The following OR8D4 variants were observed in gnomAD, a reference collection of about 807,000 sequenced individuals.
OR8D4 encodes olfactory receptor family 8 subfamily D member 4, also known as olfactory receptor 8D4.
For synonymous variants in OR8D4, 141 were observed against 134.8 expected (o/e 1.05, Z -0.32); for missense variants, 359 against 372.6 (o/e 0.96, Z 0.30).
chr11:123,905,905 C>T (rs1021129182), intron 1 of OR8D4, among the ~76,000 whole-genome samples: 1 of 152,296 alleles, frequency 6.6e-6, no homozygotes, highest in Non-Finnish European at 1.5e-5. Flanking sequence ...TAGCTCCCTG[C>T]AACCTTGGTG....
rs753737058 is a variant in OR8D4, at chr11:123,906,827, C to T, written c.396C>T (p.Tyr132=). The T allele has an allele frequency of 3.7e-6, 6 of 1,613,904 alleles. No individual in the cohort carries two copies. The highest frequency in any genetic ancestry group is 2.2e-5 in the East Asian group (1 of 44,878). ...RYVAICSPLL[Y]RVIMSPRVCS... Reference sequence around the variant, plus strand: ...TGGCCATCTGCAGCCCACTGCTCTACAGGGTCATCATGTCCCCTAGGGTCT... The same window carrying T: ...TGGCCATCTGCAGCCCACTGCTCTATAGGGTCATCATGTCCCCTAGGGTCT... The change falls in exon 2 of 2, where the codon TAC becomes TAT. Residue 132 remains tyrosine, a synonymous_variant. Coordinates refer to ENST00000641687, the MANE Select transcript of OR8D4 (RefSeq NM_001005197.2).
chr11:123,904,511 T>A (rs1863184729), intron 1 of OR8D4, among the ~76,000 whole-genome samples: 1 of 152,154 alleles, frequency 6.6e-6, no homozygotes, highest in Non-Finnish European at 1.5e-5. Context: ...ACTACACACA[T>A]GAATGCTAAC....
Position 123,906,508 on chromosome 11 carries a change from C to A in OR8D4, c.77C>A (p.Pro26His), listed in dbSNP as rs765841576. Reference protein sequence around the residue: ...GLTEQAELQLPLFCLFLGIYT... With the variant: ...GLTEQAELQLHLFCLFLGIYT... The stretch of plus-strand genomic sequence containing the variant: ...ACTGAACAAGCAGAGCTTCAGCTGC[C>A]CCTCTTCTGCCTCTTCTTAGGAATT... Residue 26 changes from proline (P) to histidine (H), a missense_variant, in exon 2 of 2, where the codon CCC (proline) becomes CAC (histidine). Transcript: ENST00000641687. The A allele has an allele frequency of 6.2e-7, 1 of 1,613,850 alleles. No homozygotes were observed. Among genetic ancestry groups the A allele is most frequent in the Non-Finnish European group, 8.5e-7 (1 of 1,179,836 alleles).
intron 1 of OR8D4, among the ~76,000 whole-genome samples, chr11:123,904,783 A>G (rs973538909): frequency 1.2e-4 from 19 of 152,186 alleles, no homozygotes; most frequent in African/African-American, 4.6e-4. Context: ...CAAGCTGCCT[A>G]CGGAAGTTTG....
chr11:123,906,064 T>C (rs1460376723), intron 1 of OR8D4: 1 of 189,446 alleles, frequency 5.3e-6, no homozygotes, highest in Non-Finnish European at 1.1e-5. Context: ...CTCTAATTAG[T>C]CTGTCTTCCT....
chr11:123,906,319 C>A, intron 1 of OR8D4, 98 bp from the exon 2 acceptor site: 2 of 753,446 alleles, frequency 2.7e-6, no homozygotes, highest in Non-Finnish European at 4.2e-6. Flanking sequence ...GTTTTCGTAA[C>A]ACAAAGTCAG....
chr11:123,903,994 A>C (rs2137491258), intron 1 of OR8D4, among the ~76,000 whole-genome samples: 1 of 152,310 alleles, frequency 6.6e-6, no homozygotes, highest in East Asian at 1.9e-4. Context: ...AAGATCGATG[A>C]CTTCAGCTCT....
Position 123,906,913 on chromosome 11 carries a change from G to A in OR8D4, c.482G>A (p.Gly161Asp). 2 of 1,613,972 alleles carry A rather than the reference G, an allele frequency of 1.2e-6. No individual in the cohort carries two copies. The highest frequency in any genetic ancestry group is 1.7e-6 in the Non-Finnish European group (2 of 1,179,924). ...TTCACTGATGCTGTGATCCATGGAG[G>A]TTGTATACTCAGGTTGTCTTTCTGT... The part of the protein sequence containing the change: ...VGFTDAVIHG[G>D]CILRLSFCGS... The change falls in exon 2 of 2, where the codon GGT (glycine) becomes GAT (aspartate). Residue 161 changes from glycine to aspartate, a missense_variant. Physicochemically the swap from Gly to Asp is moderately conservative, Grantham distance 94. Transcript: ENST00000641687.
chr11:123,908,023 A>T lies in OR8D4; in HGVS notation c.*647A>T, dbSNP rs1478624993. 2 of 152,140 alleles carry T rather than the reference A, an allele frequency of 1.3e-5. No individual in the cohort carries two copies. The highest frequency in any genetic ancestry group is 2.9e-5 in the Non-Finnish European group (2 of 68,016). 9.4% of individuals were successfully genotyped at this position (152,140 alleles called of 1,614,324 possible). On this transcript the variant is annotated 3_prime_UTR_variant, in exon 2 of 2. Transcript: ENST00000641687. ...AGAAAACCACACCTAATTTCAAAAA[A>T]AATTGAGCAGCGTGATGGAAATTAT...
Position 123,908,362 on chromosome 11 carries a change from T to G in OR8D4, c.*986T>G, listed in dbSNP as rs1286587625. 6.6e-6 allele frequency: 1 copy of G among 152,250 alleles called. No individual in the cohort carries two copies. Among genetic ancestry groups the G allele is most frequent in the Non-Finnish European group, 1.5e-5 (1 of 68,048 alleles). 9.4% of individuals were successfully genotyped at this position (152,250 alleles called of 1,614,324 possible). A position where few individuals can be genotyped will look rare whatever the true frequency, so the allele number is the denominator to read the frequency against. ...ATTTTCTTTGTAAGCTGTAACTAGG[T>G]GTCTTTAATTTCCTCCACATGTTTT... On this transcript the variant is annotated 3_prime_UTR_variant, in exon 2 of 2. Coordinates refer to ENST00000641687, the MANE Select transcript of OR8D4 (RefSeq NM_001005197.2).
Position 123,907,208 on chromosome 11 carries a change from T to C in OR8D4, c.777T>C (p.Tyr259=), listed in dbSNP as rs375243595. 1 of 1,613,790 alleles carries C rather than the reference T, an allele frequency of 6.2e-7. No homozygotes were observed. Among genetic ancestry groups the C allele is most frequent in the African/African-American group, 1.3e-5 (1 of 74,904 alleles). Residue 259 remains tyrosine, a synonymous_variant, in exon 2 of 2, where the codon TAT becomes TAC. Transcript: ENST00000641687. The stretch of plus-strand genomic sequence containing the variant: ...TTTATGGGTCTCTGATGTCCATGTA[T>C]CTCAAACCTGCTTCTAGCAGTTCAC... ...LMFYGSLMSM[Y]LKPASSSSLT...
Position 123,906,810 on chromosome 11 carries a change from T to C in OR8D4, c.379T>C (p.Cys127Arg), listed in dbSNP as rs150645736. 10 of 1,613,928 alleles carry C rather than the reference T, an allele frequency of 6.2e-6. No homozygotes were observed. The African/African-American group carries it at 1.2e-4, about 19-fold the overall frequency. The change falls in exon 2 of 2, where the codon TGC (cysteine) becomes CGC (arginine). Residue 127 changes from cysteine (C) to arginine (R), a missense_variant. Cys to Arg is a radical substitution (Grantham distance 180). Coordinates refer to ENST00000641687, the MANE Select transcript of OR8D4 (RefSeq NM_001005197.2). Reference protein sequence around the residue: ...AMACDRYVAICSPLLYRVIMS... With the variant: ...AMACDRYVAIRSPLLYRVIMS... ...GGCCTGCGATCGCTACGTGGCCATC[T>C]GCAGCCCACTGCTCTACAGGGTCAT...
intron 1 of OR8D4, among the ~76,000 whole-genome samples, chr11:123,904,649 GAC>G (rs1863186053): frequency 6.6e-6 from 1 of 152,170 alleles, no homozygotes; most frequent in South Asian, 2.1e-4. Context: ...AGATACAAAA[GAC>G]ACAGGTTCTG....
At chr11:123,905,683 CT>C (rs34426662) in intron 1 of OR8D4, among the ~76,000 whole-genome samples, 39,428 of 152,088 alleles carry the variant, frequency 0.26, 6,058 homozygotes, top group East Asian at 0.39. Context: ...TCCTCAGCCT[CT>C]AGTTTATGCA....
intron 1 of OR8D4, among the ~76,000 whole-genome samples, chr11:123,905,390 A>G (rs1863191624): frequency 6.6e-6 from 1 of 152,214 alleles, no homozygotes; most frequent in Admixed American, 6.5e-5. Flanking sequence ...AGTTTGATAA[A>G]TATTGTATTT....
In OR8D4 at chr11:123,905,991, A is replaced by G. The variant is rs1466660851; in HGVS notation, c.-15-426A>G. ...TATAAAATTTTCAGCAAGGCTTTGT[A>G]TCTTTGCAGTCAGCTTCTGCTGAGT... On this transcript the variant is annotated intron_variant, in intron 1 of 1. Coordinates refer to ENST00000641687, the MANE Select transcript of OR8D4 (RefSeq NM_001005197.2). Among the ~76,000 whole-genome samples the G allele has an allele frequency of 2.0e-5, 3 of 152,208 alleles. No homozygotes were observed. In the East Asian group the frequency reaches 5.8e-4, roughly 29 times the overall value.
chr11:123,904,481 C>T (rs147066323), intron 1 of OR8D4, among the ~76,000 whole-genome samples: 5 of 152,206 alleles, frequency 3.3e-5, no homozygotes, highest in African/African-American at 9.6e-5. Flanking sequence ...AACATTACTT[C>T]GATAAGCCTC....
intron 1 of OR8D4, among the ~76,000 whole-genome samples, chr11:123,905,309 A>G (rs1863191150): frequency 6.6e-6 from 1 of 152,232 alleles, no homozygotes; most frequent in Admixed American, 6.5e-5. Flanking sequence ...TAGTTTTCTA[A>G]AATACATTCT....
chr11:123,906,801 G>A lies in OR8D4; in HGVS notation c.370G>A (p.Val124Met), dbSNP rs371373160. 8.7e-6 allele frequency: 14 copies of A among 1,613,706 alleles called. No homozygotes were observed. The highest frequency in any genetic ancestry group is 5.3e-5 in the African/African-American group (4 of 74,826). ...GGCAGCCATGGCCTGCGATCGCTAC[G>A]TGGCCATCTGCAGCCCACTGCTCTA... ...MLAAMACDRY[V>M]AICSPLLYRV... The change falls in exon 2 of 2, where the codon GTG (valine) becomes ATG (methionine). Residue 124 changes from valine to methionine, a missense_variant. By Grantham distance (21) the Val-to-Met change is conservative. Coordinates refer to ENST00000641687, the MANE Select transcript of OR8D4 (RefSeq NM_001005197.2).
Sources: gnomAD v4.1 joint callset for allele counts (sites outside exome capture counted in the v4.1 genomes callset) on GRCh38, gnomAD v4.1.1 for gene constraint, MANE v1.5 for transcripts, NCBI Gene and HGNC (gene_info 2026-07-23, HGNC 2026-07-21) for gene names.